CPQ: variants seen among roughly 807,000 people sequenced by gnomAD.
CPQ encodes the protein Ser-Met dipeptidase.
A neutral mutation model predicts 45.7 loss-of-function variants in CPQ; 37 were observed. The observed-to-expected ratio is 0.81, with a 90% CI of 0.62 to 1.07. The LOEUF is 1.07. Ranked by LOEUF, CPQ falls within the 50% of genes least tolerant of loss-of-function variation. The pLI is 0.00. For synonymous variants in CPQ, 186 were observed against 205.8 expected, an observed-to-expected ratio of 0.90 and a Z score of 0.82; for missense variants, 537 against 572.9, an observed-to-expected ratio of 0.94 and a Z score of 0.64.
intron 6 of CPQ, among the ~76,000 whole-genome samples, chr8:97,049,970 T>C (rs959470303): frequency 5.3e-5 from 8 of 152,190 alleles, no homozygotes; most frequent in African/African-American, 1.4e-4. Flanking sequence ...TACTTTCAAT[T>C]TGGCCAAGTT....
At chr8:96,934,731 T>G (rs1813021693) in intron 4 of CPQ, among the ~76,000 whole-genome samples, 1 of 152,142 alleles carries the variant, frequency 6.6e-6, no homozygotes, top group Admixed American at 6.5e-5. Flanking sequence ...AGCTCCTTTT[T>G]GATTCTTATT....
At chr8:96,697,732 G>T (rs1032454649) in intron 1 of CPQ, among the ~76,000 whole-genome samples, 2 of 151,722 alleles carry the variant, frequency 1.3e-5, no homozygotes, top group Non-Finnish European at 2.9e-5. Flanking sequence ...AATCTAAAAA[G>T]AAATTTAAAA....
intron 3 of CPQ, among the ~76,000 whole-genome samples, chr8:96,845,166 G>A (rs2130856118): frequency 6.6e-6 from 1 of 152,294 alleles, no homozygotes; most frequent in Non-Finnish European, 1.5e-5. Flanking sequence ...ACTAAGTAGA[G>A]TAGCACTCTC....
chr8:97,103,105 A>G (rs142082591), intron 7 of CPQ, among the ~76,000 whole-genome samples: 87 of 152,222 alleles, frequency 5.7e-4, no homozygotes, highest in African/African-American at 1.9e-3. Context: ...AGGGATCATT[A>G]TGGTTACATT....
rs1362443131 is a variant in CPQ at position 96,895,394 on chromosome 8, G to A, written c.849+15389G>A. On this transcript the variant is annotated intron_variant, in intron 4 of 7. Transcript: ENST00000220763. ...ATAGATACTGTCAAATCTAGTTGTT[G>A]TTTAACATCAGGCAAAATATCCCTT... Among the ~76,000 whole-genome samples the A allele has an allele frequency of 3.3e-5, 5 of 152,078 alleles. No individual in the cohort carries two copies. In the East Asian group the frequency reaches 9.7e-4, roughly 29 times the overall value.
intron 1 of CPQ, among the ~76,000 whole-genome samples, chr8:96,668,680 C>G (rs1184174559): frequency 1.3e-5 from 2 of 152,066 alleles, no homozygotes; most frequent in African/African-American, 4.8e-5. Flanking sequence ...CAACTAAAAA[C>G]CCTTGACATT....
chr8:96,833,463 G>A lies in CPQ; in HGVS notation c.434-1510G>A, dbSNP rs548972220. Among the ~76,000 whole-genome samples, 7 of 152,120 alleles carry A rather than the reference G, an allele frequency of 4.6e-5. No homozygotes were observed. The East Asian group carries it at 9.7e-4, about 21-fold the overall frequency. On this transcript the variant is annotated intron_variant, in intron 2 of 7. Coordinates refer to ENST00000220763, the MANE Select transcript of CPQ (RefSeq NM_016134.4). ...GATGCCAAAATTGCCCTATTGTTGC[G>A]ACATCCCTTGAGTGGACTATCGAAC...
chr8:97,045,340 A>G (rs1173422530), intron 6 of CPQ, among the ~76,000 whole-genome samples: 2 of 152,238 alleles, frequency 1.3e-5, no homozygotes, highest in East Asian at 3.8e-4. Context: ...GCCCGTCGGA[A>G]AAGCGCAGCA....
At chr8:97,121,549 A>C (rs974040701) in intron 7 of CPQ, among the ~76,000 whole-genome samples, 2 of 152,204 alleles carry the variant, frequency 1.3e-5, no homozygotes, top group Non-Finnish European at 2.9e-5. Flanking sequence ...AATAGCCAAC[A>C]CTTTTTAAAG....
chr8:96,733,617 TAAGAA>T (rs1179510270), intron 1 of CPQ, among the ~76,000 whole-genome samples: 2 of 152,182 alleles, frequency 1.3e-5, no homozygotes, highest in Non-Finnish European at 2.9e-5. Context: ...ATAATCACAT[TAAGAA>T]AAGAAACAGG....
chr8:96,735,998 T>C (rs540219187), intron 1 of CPQ, among the ~76,000 whole-genome samples: 1 of 152,136 alleles, frequency 6.6e-6, no homozygotes, highest in South Asian at 2.1e-4. Flanking sequence ...ACTGAGCTGA[T>C]TCATTTATGA....
intron 4 of CPQ, among the ~76,000 whole-genome samples, chr8:96,937,392 G>T (rs1409451480): frequency 6.6e-6 from 1 of 152,112 alleles, no homozygotes; most frequent in East Asian, 1.9e-4. Flanking sequence ...GCAGGTGTCG[G>T]TGGCCACCCC....
intron 4 of CPQ, among the ~76,000 whole-genome samples, chr8:96,923,588 T>C (rs997720706): frequency 2.0e-5 from 3 of 152,182 alleles, no homozygotes; most frequent in Non-Finnish European, 4.4e-5. Flanking sequence ...CACCTATCTA[T>C]TCATCCAATC....
intron 3 of CPQ, among the ~76,000 whole-genome samples, chr8:96,867,805 C>A (rs1032135124): frequency 3.3e-5 from 5 of 151,992 alleles, no homozygotes; most frequent in South Asian, 4.1e-4. Context: ...TATGTTATGA[C>A]TTTCTCATCC....
intron 1 of CPQ, among the ~76,000 whole-genome samples, chr8:96,757,351 A>G: frequency 1.3e-5 from 1 of 79,910 alleles, no homozygotes; most frequent in South Asian, 5.4e-4. Flanking sequence ...ACTCCATCTC[A>G]ATGATAATAA....
chr8:96,723,467 GA>G (rs1809794100), intron 1 of CPQ, among the ~76,000 whole-genome samples: 2 of 152,070 alleles, frequency 1.3e-5, no homozygotes, highest in South Asian at 4.1e-4. Context: ...TTATGTGATA[GA>G]ACCCTCTTAG....
chr8:96,709,995 A>G (rs762047561), intron 1 of CPQ, among the ~76,000 whole-genome samples: 1 of 152,032 alleles, frequency 6.6e-6, no homozygotes, highest in Non-Finnish European at 1.5e-5. Context: ...GATTTCCCCT[A>G]TGAATCTCTC....
intron 7 of CPQ, among the ~76,000 whole-genome samples, chr8:97,101,896 T>G (rs1251495739): frequency 5.3e-5 from 8 of 151,594 alleles, no homozygotes; most frequent in Non-Finnish European, 1.0e-4. Flanking sequence ...CCTTCATTTT[T>G]ATTCATTAGA....
At chr8:97,105,891 C>T (rs1307430701) in intron 7 of CPQ, among the ~76,000 whole-genome samples, 1 of 152,158 alleles carries the variant, frequency 6.6e-6, no homozygotes, top group Non-Finnish European at 1.5e-5. Context: ...TTTGGTAATT[C>T]TGCTTTGTTT....
Sources: gnomAD v4.1 joint callset for allele counts (sites outside exome capture counted in the v4.1 genomes callset) on GRCh38, gnomAD v4.1.1 for gene constraint, MANE v1.5 for transcripts, NCBI Gene and HGNC (gene_info 2026-07-23, HGNC 2026-07-21) for gene names.